The following CACNA2D3 variants were observed in gnomAD, a reference collection of about 807,000 sequenced individuals.
CACNA2D3 encodes voltage-dependent calcium channel subunit alpha-2/delta-3.
Under a neutral mutation model 160.6 loss-of-function variants are expected in CACNA2D3, and 60 were observed. The ratio of observed to expected loss-of-function variants is 0.37; its 90% CI spans 0.30 to 0.46. The LOEUF is 0.46. Among genes scored for constraint, CACNA2D3 ranks in the 20% least tolerant of loss-of-function variants. The probability of loss-of-function intolerance (pLI) is 1.00; values close to 1 mark genes in which losing one functional copy is unlikely to be tolerated. For synonymous variants in CACNA2D3, 558 were observed against 492.9 expected, an observed-to-expected ratio of 1.13 and a Z score of -1.75; for missense variants, 1,205 against 1,365.0, an observed-to-expected ratio of 0.88 and a Z score of 1.85.
intron 4 of CACNA2D3, among the ~76,000 whole-genome samples, chr3:54,489,671 C>T (rs1029075965): frequency 2.0e-5 from 3 of 152,178 alleles, no homozygotes; most frequent in Admixed American, 6.5e-5. Context: ...ACACTTCACT[C>T]CATGGCTTTT....
intron 2 of CACNA2D3, among the ~76,000 whole-genome samples, chr3:54,235,274 C>A (rs1236438508): frequency 6.6e-6 from 1 of 152,114 alleles, no homozygotes; most frequent in Non-Finnish European, 1.5e-5. Context: ...TAAAAAGATA[C>A]CTGACACTGG....
chr3:54,355,513 C>T (rs544743816), intron 3 of CACNA2D3, among the ~76,000 whole-genome samples: 1 of 152,120 alleles, frequency 6.6e-6, no homozygotes, highest in East Asian at 1.9e-4. Context: ...AGGAATTGTT[C>T]ATAGGTTGGC....
At chr3:54,898,888 A>C (rs1452282569) in intron 26 of CACNA2D3, among the ~76,000 whole-genome samples, 2 of 152,166 alleles carry the variant, frequency 1.3e-5, no homozygotes, top group Non-Finnish European at 2.9e-5. Flanking sequence ...CACCAACTGC[A>C]AGTCTCTGTG....
intron 12 of CACNA2D3, among the ~76,000 whole-genome samples, chr3:54,757,287 G>T (rs555404993): frequency 1.3e-5 from 2 of 152,174 alleles, no homozygotes; most frequent in African/African-American, 4.8e-5. Flanking sequence ...AATGCCACAT[G>T]TGTTGTCGTC....
At chr3:54,663,522 A>T (rs1700007952) in intron 11 of CACNA2D3, among the ~76,000 whole-genome samples, 1 of 152,218 alleles carries the variant, frequency 6.6e-6, no homozygotes, top group African/African-American at 2.4e-5. Flanking sequence ...TAAAACACAA[A>T]TGGGGTCTGG....
At chr3:54,553,240 G>T (rs1221135591) in intron 5 of CACNA2D3, among the ~76,000 whole-genome samples, 2 of 152,224 alleles carry the variant, frequency 1.3e-5, no homozygotes, top group Non-Finnish European at 1.5e-5. Context: ...ATAGATATAA[G>T]TGCTTGATAA....
chr3:54,271,071 A>AGCT (rs1702613274), intron 2 of CACNA2D3, among the ~76,000 whole-genome samples: 1 of 152,220 alleles, frequency 6.6e-6, no homozygotes, highest in Non-Finnish European at 1.5e-5. Context: ...TCTAAGTGAC[A>AGCT]GCTGGTGGTA....
intron 9 of CACNA2D3, among the ~76,000 whole-genome samples, chr3:54,616,637 G>A (rs1332513967): frequency 6.6e-6 from 1 of 152,222 alleles, no homozygotes; most frequent in Non-Finnish European, 1.5e-5. Flanking sequence ...CGTCGATGTA[G>A]ATGGTGTCAG....
At chr3:54,949,772 G>C (rs983826293) in intron 27 of CACNA2D3, among the ~76,000 whole-genome samples, 2 of 151,058 alleles carry the variant, frequency 1.3e-5, no homozygotes, top group Non-Finnish European at 1.5e-5. Context: ...GCCACAGATA[G>C]ATGCATCCTT....
chr3:54,295,875 G>A (rs547629343), intron 2 of CACNA2D3, among the ~76,000 whole-genome samples: 15 of 152,296 alleles, frequency 9.8e-5, no homozygotes, highest in South Asian at 4.1e-4. Flanking sequence ...AATGCAGCTC[G>A]CAGCTTAACT....
chr3:54,227,254 AC>A (rs1192531158), intron 2 of CACNA2D3, among the ~76,000 whole-genome samples: 3 of 152,056 alleles, frequency 2.0e-5, no homozygotes, highest in Admixed American at 1.3e-4. Context: ...GGTGTTTGGC[AC>A]CGGGAGAAAT....
intron 4 of CACNA2D3, among the ~76,000 whole-genome samples, chr3:54,423,898 T>A (rs1445383222): frequency 3.3e-5 from 5 of 151,820 alleles, no homozygotes; most frequent in Non-Finnish European, 7.4e-5. Context: ...TTCTTATTTT[T>A]TTTTTTTTTT....
In CACNA2D3 at chr3:54,352,350, G is replaced by A. The variant is rs531420357; in HGVS notation, c.321+31792G>A. 2.6e-5 allele frequency among the ~76,000 whole-genome samples: 4 copies of A among 152,286 alleles called. No homozygotes were observed. In the East Asian group the frequency reaches 7.7e-4, roughly 29 times the overall value. On this transcript the variant is annotated intron_variant, in intron 3 of 37. Transcript: ENST00000474759. ...GTACAGTTAAAGACAGTGGTGTGGTGTTGATGGTTGTGTATTATTACTCCT... is the reference window on the plus strand; with the variant it reads ...GTACAGTTAAAGACAGTGGTGTGGTATTGATGGTTGTGTATTATTACTCCT...
intron 27 of CACNA2D3, among the ~76,000 whole-genome samples, chr3:54,937,184 G>T (rs563159329): frequency 4.6e-5 from 7 of 152,158 alleles, no homozygotes; most frequent in Non-Finnish European, 1.0e-4. Flanking sequence ...CCCTTTGTGT[G>T]TATTCTTTCT....
intron 4 of CACNA2D3, among the ~76,000 whole-genome samples, chr3:54,485,642 C>T (rs999985576): frequency 6.6e-6 from 1 of 151,616 alleles, no homozygotes; most frequent in African/African-American, 2.4e-5. Context: ...TGGCTCATTG[C>T]AACCTCCATC....
At chr3:54,331,552 G>T (rs933583899) in intron 3 of CACNA2D3, among the ~76,000 whole-genome samples, 41 of 152,256 alleles carry the variant, frequency 2.7e-4, no homozygotes, top group African/African-American at 9.6e-4. Flanking sequence ...ATTACTGAGT[G>T]CTTCTTGCTT....
At chr3:54,554,559 G>T (rs1051871606) in intron 5 of CACNA2D3, among the ~76,000 whole-genome samples, 1 of 152,042 alleles carries the variant, frequency 6.6e-6, no homozygotes, top group Non-Finnish European at 1.5e-5. Flanking sequence ...GGGCCCTGGT[G>T]GTGTATGCAG....
chr3:54,753,771 A>G (rs1382866432), intron 12 of CACNA2D3, among the ~76,000 whole-genome samples: 1 of 152,224 alleles, frequency 6.6e-6, no homozygotes, highest in African/African-American at 2.4e-5. Flanking sequence ...ATGTATATTT[A>G]TGGTGTAGAA....
chr3:54,710,406 G>A (rs971664805), intron 11 of CACNA2D3, among the ~76,000 whole-genome samples: 1 of 152,182 alleles, frequency 6.6e-6, no homozygotes, highest in Non-Finnish European at 1.5e-5. Flanking sequence ...GTTCTATTGG[G>A]ATTTGAGGAT....
Sources: gnomAD v4.1 joint callset for allele counts (sites outside exome capture counted in the v4.1 genomes callset) on GRCh38, gnomAD v4.1.1 for gene constraint, MANE v1.5 for transcripts, NCBI Gene and HGNC (gene_info 2026-07-23, HGNC 2026-07-21) for gene names.